The following C19orf38 variants were observed in gnomAD, a reference collection of about 807,000 sequenced individuals.
C19orf38 encodes protein HIDE1.
In C19orf38, 14 loss-of-function variants were observed where a neutral mutation model predicts 26.6. The ratio of observed to expected loss-of-function variants is 0.53; its 90% CI spans 0.35 to 0.82. The LOEUF is 0.82. Among genes scored for constraint, C19orf38 ranks in the 40% least tolerant of loss-of-function variants. The pLI is 0.01. For missense variants in C19orf38, 261 were observed against 299.5 expected, an observed-to-expected ratio of 0.87 and a Z score of 0.95; for synonymous variants, 132 against 128.5, an observed-to-expected ratio of 1.03 and a Z score of -0.18.
chr19:10,845,604 G>A (rs2073510270), upstream of C19orf38, among the ~76,000 whole-genome samples: 1 of 152,174 alleles, frequency 6.6e-6, no homozygotes, highest in Non-Finnish European at 1.5e-5. Context: ...GGTGGGCCGG[G>A]TGCGGTGGCT....
At chr19:10,841,402 G>C (rs1369469317) in intron 1 of C19orf38, among the ~76,000 whole-genome samples, 1 of 152,162 alleles carries the variant, frequency 6.6e-6, no homozygotes, top group Non-Finnish European at 1.5e-5. Flanking sequence ...AGGCTCGCTT[G>C]AGCCCAGGAG....
intron 5 of C19orf38, 100 bp from the exon 6 acceptor site, chr19:10,863,070 A>G (rs961576705): frequency 7.0e-5 from 89 of 1,270,276 alleles, no homozygotes; most frequent in East Asian, 1.5e-4. Flanking sequence ...ATGGACCCCA[A>G]TTGCTTCCCT....
At chr19:10,838,334 T>C (rs1343995425) in intron 1 of C19orf38, among the ~76,000 whole-genome samples, 4 of 152,144 alleles carry the variant, frequency 2.6e-5, no homozygotes, top group African/African-American at 7.2e-5. Flanking sequence ...GGTGTGAACC[T>C]GGGAAGCGGA....
chr19:10,858,962 G>C (rs997867676), intron 4 of C19orf38, among the ~76,000 whole-genome samples: 3 of 145,646 alleles, frequency 2.1e-5, no homozygotes, highest in African/African-American at 7.6e-5. Context: ...TTGAGATGGA[G>C]TTTCACTCTT....
chr19:10,863,942 G>C (rs559680199), intron 6 of C19orf38, among the ~76,000 whole-genome samples: 105 of 152,150 alleles, frequency 6.9e-4, no homozygotes, highest in African/African-American at 2.5e-3. Context: ...AAATGAAAAA[G>C]TACAAATGCC....
chr19:10,842,432 T>G (rs1467899675), intron 1 of C19orf38, among the ~76,000 whole-genome samples: 1 of 152,058 alleles, frequency 6.6e-6, no homozygotes, highest in Non-Finnish European at 1.5e-5. Flanking sequence ...GGCTAATTTT[T>G]TGTATTTTTA....
At chr19:10,860,045 C>A in intron 5 of C19orf38, 87 bp downstream of exon 5, 1 of 1,326,266 alleles carries the variant, frequency 7.5e-7, no homozygotes, top group Non-Finnish European at 1.1e-6. Flanking sequence ...AATCAAATTT[C>A]TTCTGTGACT....
chr19:10,863,294 A>G (rs2073721357), intron 6 of C19orf38, 87 bp downstream of exon 6: 3 of 1,410,658 alleles, frequency 2.1e-6, no homozygotes, highest in Middle Eastern at 2.0e-4. Flanking sequence ...CACGAGGCTA[A>G]GTTGACCTGC....
Position 10,837,358 on chromosome 19 carries a change from G to A in C19orf38, c.-69+588G>A, listed in dbSNP as rs541583272. On this transcript the variant is annotated intron_variant, in intron 1 of 7. Transcript: ENST00000592854. ...TCCTGCATTTGGAGAATTTGGGGAA[G>A]TAGCTCTTTGTAATATCAGTTTGGT... 2.6e-5 allele frequency among the ~76,000 whole-genome samples: 4 copies of A among 152,212 alleles called. No individual in the cohort carries two copies. In the East Asian group the frequency reaches 7.7e-4, roughly 29 times the overall value.
chr19:10,846,788 A>G (rs2073521965), upstream of C19orf38, among the ~76,000 whole-genome samples: 2 of 152,234 alleles, frequency 1.3e-5, no homozygotes, highest in Admixed American at 1.3e-4. Flanking sequence ...TGAAGATACA[A>G]GCATGCCAAT....
intron 6 of C19orf38, among the ~76,000 whole-genome samples, chr19:10,867,872 T>C (rs1001108134): frequency 1.1e-4 from 16 of 151,622 alleles, no homozygotes; most frequent in African/African-American, 3.6e-4. Flanking sequence ...AGGCTGGTCT[T>C]GAACTCCTGA....
At chr19:10,852,242 G>A (rs946334920) in intron 2 of C19orf38, among the ~76,000 whole-genome samples, 5 of 152,124 alleles carry the variant, frequency 3.3e-5, no homozygotes, top group Non-Finnish European at 7.3e-5. Context: ...TGGGATTACA[G>A]ATGTGAGTCA....
At chr19:10,866,304 G>A (rs1473643023) in intron 6 of C19orf38, among the ~76,000 whole-genome samples, 3 of 149,146 alleles carry the variant, frequency 2.0e-5, no homozygotes, top group East Asian at 2.0e-4. Context: ...AGGTTCAAGC[G>A]ATTCTCCTGC....
intron 1 of C19orf38, among the ~76,000 whole-genome samples, chr19:10,838,686 T>C (rs1158584710): frequency 1.3e-5 from 2 of 152,088 alleles, no homozygotes; most frequent in Non-Finnish European, 2.9e-5. Flanking sequence ...AGCTCTCTGC[T>C]ACAGAGAGGA....
chr19:10,848,408 C>A, upstream of C19orf38: 2 of 1,286,180 alleles, frequency 1.6e-6, no homozygotes, highest in Non-Finnish European at 2.2e-6. Flanking sequence ...GAGAATCAGC[C>A]CTGGTTCTCC....
intron 3 of C19orf38, among the ~76,000 whole-genome samples, chr19:10,857,358 A>T (rs1178354106): frequency 1.7e-4 from 14 of 82,438 alleles, no homozygotes; most frequent in African/African-American, 1.3e-3. Context: ...ATATATATAT[A>T]TATATATATT....
At chr19:10,839,986 C>T (rs549286092) in intron 1 of C19orf38, among the ~76,000 whole-genome samples, 4 of 152,102 alleles carry the variant, frequency 2.6e-5, no homozygotes, top group South Asian at 4.1e-4. Context: ...GTGCCCAAAG[C>T]GCTGAGATTA....
chr19:10,843,047 G>A (rs1174626303), intron 1 of C19orf38, among the ~76,000 whole-genome samples: 1 of 152,224 alleles, frequency 6.6e-6, no homozygotes, highest in African/African-American at 2.4e-5. Context: ...ATGTGGGGGT[G>A]TGGTTTATCT....
chr19:10,848,636 C>T (rs915490663), intron 1 of C19orf38, 97 bp downstream of exon 1: 9 of 1,211,408 alleles, frequency 7.4e-6, no homozygotes, highest in Middle Eastern at 2.1e-4. Flanking sequence ...CAGGGGCTGC[C>T]GTTCTCAGGG....
Sources: gnomAD v4.1 joint callset for allele counts (sites outside exome capture counted in the v4.1 genomes callset) on GRCh38, gnomAD v4.1.1 for gene constraint, MANE v1.5 for transcripts, NCBI Gene and HGNC (gene_info 2026-07-23, HGNC 2026-07-21) for gene names.